Variants in FHAD1 observed in about 807,000 individuals in gnomAD.
The protein encoded by FHAD1 is forkhead-associated domain-containing protein 1.
In FHAD1, 146 loss-of-function variants were observed where a neutral mutation model predicts 191.3. The observed-to-expected ratio is 0.76, with a 90% confidence interval of 0.67 to 0.88. The LOEUF (loss-of-function observed/expected upper bound fraction) is 0.88, where lower values mean the gene tolerates loss of function less well. Among genes scored for constraint, FHAD1 ranks in the 40% least tolerant of loss-of-function variants. FHAD1 has a pLI of 0.00. For synonymous variants in FHAD1, 616 were observed against 672.3 expected (o/e 0.92, Z 1.29); for missense variants, 1,635 against 1,785.8 (o/e 0.92, Z 1.52).
At chr1:15,359,524 G>A (rs1693988703) in intron 21 of FHAD1, among the ~76,000 whole-genome samples, 1 of 152,060 alleles carries the variant, frequency 6.6e-6, no homozygotes, top group Non-Finnish European at 1.5e-5. Context: ...TTGCCATTCG[G>A]GGGTCATTAG....
chr1:15,287,449 C>T (rs1435103992), intron 3 of FHAD1, among the ~76,000 whole-genome samples: 6 of 152,136 alleles, frequency 3.9e-5, no homozygotes, highest in Admixed American at 6.5e-5. Flanking sequence ...GGGAAGCAAA[C>T]GTGTCCTTCC....
intron 20 of FHAD1, 70 bp from the exon 21 acceptor site, chr1:15,358,040 G>C: frequency 9.2e-7 from 1 of 1,092,516 alleles, no homozygotes; most frequent in East Asian, 2.7e-5. Context: ...CTTGAAGGTG[G>C]GGGATAAGGG....
intron 8 of FHAD1, among the ~76,000 whole-genome samples, chr1:15,314,061 A>AAATAATAAT (rs59696318): frequency 1.2e-3 from 176 of 146,402 alleles, no homozygotes; most frequent in African/African-American, 4.0e-3. Context: ...ACTCCGTCTC[A>AAATAATAAT]AATAATAATA....
intron 22 of FHAD1, 78 bp from the exon 23 acceptor site, chr1:15,362,564 T>G (rs138204727): frequency 4.2e-6 from 5 of 1,198,116 alleles, no homozygotes; most frequent in Non-Finnish European, 6.1e-6. Context: ...TTGTAAGTTG[T>G]GAAAGACACA....
chr1:15,345,063 C>T lies in FHAD1; in HGVS notation c.2131-20C>T. 1 of 1,534,020 alleles carries T rather than the reference C, an allele frequency of 6.5e-7. No individual in the cohort carries two copies. Among genetic ancestry groups the T allele is most frequent in the South Asian group, 1.2e-5 (1 of 83,730 alleles). On this transcript the variant is annotated intron_variant, in intron 16 of 33. Coordinates refer to ENST00000688493, the MANE Select transcript of FHAD1 (RefSeq NM_001391957.1). ...TGCCATGGTAACCATGTCTGTTAAA[C>T]AATGGTCATTGGTTTCCAGGCTTTG... is the stretch of plus-strand genomic sequence containing the variant.
At chr1:15,322,940 T>C (rs1200524506) in intron 10 of FHAD1, among the ~76,000 whole-genome samples, 2 of 152,104 alleles carry the variant, frequency 1.3e-5, no homozygotes, top group African/African-American at 2.4e-5. Flanking sequence ...CTCAGAATCA[T>C]GGCGGGAGGC....
In FHAD1 at chr1:15,301,442, G is replaced by A; in HGVS notation, c.915+1G>A. On this transcript the variant is annotated splice_donor_variant, in intron 6 of 33. Transcript: ENST00000688493. LOFTEE classifies it high-confidence loss of function. ...AGAGATCCAGAGCTTGAAAAGCCAG[G>A]TAGGCAGAGCCTGAGAGGTACAGCA... The A allele has an allele frequency of 2.6e-6, 4 of 1,551,476 alleles. No individual in the cohort carries two copies. Among genetic ancestry groups the A allele is most frequent in the Non-Finnish European group, 3.5e-6 (4 of 1,146,954 alleles).
At chr1:15,390,547 A>C (rs897933009) in intron 32 of FHAD1, among the ~76,000 whole-genome samples, 8 of 151,934 alleles carry the variant, frequency 5.3e-5, no homozygotes, top group Non-Finnish European at 1.0e-4. Flanking sequence ...CCCTGTAGGC[A>C]TGAGGTTGGT....
intron 32 of FHAD1, among the ~76,000 whole-genome samples, chr1:15,388,912 C>T (rs938882064): frequency 5.9e-5 from 9 of 152,136 alleles, no homozygotes; most frequent in Non-Finnish European, 8.8e-5. Flanking sequence ...TGAGACAGAT[C>T]GATGTCATCA....
chr1:15,270,468 C>G (rs1232872441), intron 2 of FHAD1, among the ~76,000 whole-genome samples: 1 of 152,098 alleles, frequency 6.6e-6, no homozygotes, highest in East Asian at 1.9e-4. Context: ...GAAACTATCT[C>G]TAGATTGTTG....
intron 8 of FHAD1, among the ~76,000 whole-genome samples, chr1:15,315,723 T>A (rs964782244): frequency 2.0e-5 from 3 of 152,084 alleles, no homozygotes; most frequent in African/African-American, 7.2e-5. Flanking sequence ...CCTGACCTCA[T>A]GATCTGCCCA....
intron 6 of FHAD1, chr1:15,305,730 C>T (rs765535992): frequency 6.8e-6 from 3 of 443,088 alleles, no homozygotes; most frequent in South Asian, 3.2e-5. Flanking sequence ...TCCGCTTTTG[C>T]TTCTTCCGCA....
intron 4 of FHAD1, among the ~76,000 whole-genome samples, chr1:15,294,921 A>C (rs957232899): frequency 6.6e-6 from 1 of 152,186 alleles, no homozygotes; most frequent in Non-Finnish European, 1.5e-5. Flanking sequence ...CTTAATGGCA[A>C]AGCTCATACA....
At chr1:15,288,468 A>G (rs1449986551) in intron 3 of FHAD1, among the ~76,000 whole-genome samples, 1 of 152,254 alleles carries the variant, frequency 6.6e-6, no homozygotes, top group Non-Finnish European at 1.5e-5. Flanking sequence ...GCAAAGGCTA[A>G]TCAGACAGTC....
chr1:15,268,705 G>A (rs917713766), intron 2 of FHAD1, among the ~76,000 whole-genome samples: 2 of 150,556 alleles, frequency 1.3e-5, no homozygotes, highest in Admixed American at 6.7e-5. Context: ...GTGTGAGATG[G>A]TATCTCATTG....
At chr1:15,279,035 T>G (rs1659537919) in intron 3 of FHAD1, among the ~76,000 whole-genome samples, 1 of 152,202 alleles carries the variant, frequency 6.6e-6, no homozygotes, top group South Asian at 2.1e-4. Context: ...AGAGAACTGT[T>G]TATTTGTTCC....
chr1:15,331,103 G>A (rs917042414), intron 14 of FHAD1, among the ~76,000 whole-genome samples: 1 of 152,110 alleles, frequency 6.6e-6, no homozygotes, highest in Non-Finnish European at 1.5e-5. Context: ...TCTGGTGTGT[G>A]TAAAAGACGG....
intron 14 of FHAD1, among the ~76,000 whole-genome samples, chr1:15,332,137 C>G (rs1681894937): frequency 6.6e-6 from 1 of 152,076 alleles, no homozygotes; most frequent in South Asian, 2.1e-4. Context: ...AAAGCAAAAC[C>G]AACATTAATT....
At chr1:15,299,470 A>C (rs1668056244) in intron 5 of FHAD1, among the ~76,000 whole-genome samples, 1 of 152,218 alleles carries the variant, frequency 6.6e-6, no homozygotes, top group Admixed American at 6.5e-5. Context: ...AGGAAGCAAG[A>C]GCTTCTTCCT....
Sources: allele counts gnomAD v4.1 joint callset (sites outside exome capture counted in the v4.1 genomes callset), GRCh38; gene constraint gnomAD v4.1.1; transcripts MANE v1.5; gene names NCBI Gene and HGNC (gene_info 2026-07-23, HGNC 2026-07-21).